Variants in GOLM2 observed in about 807,000 individuals in gnomAD.
GOLM2 encodes the protein protein GOLM2.
GOLM2 carries 26 observed loss-of-function variants against 55.9 expected under a neutral mutation model. The ratio of observed to expected loss-of-function variants is 0.47; its 90% CI spans 0.34 to 0.65. The LOEUF is 0.65. GOLM2 is among the 30% of genes least tolerant of loss of function. The pLI is 0.01. For missense variants in GOLM2, 486 were observed against 531.8 expected (o/e 0.91, Z 0.85); for synonymous variants, 165 against 194.6 (o/e 0.85, Z 1.27).
chr15:44,377,025 G>C (rs1454603951), intron 6 of GOLM2, among the ~76,000 whole-genome samples: 1 of 152,116 alleles, frequency 6.6e-6, no homozygotes, highest in Non-Finnish European at 1.5e-5. Context: ...TTTTTCTTAT[G>C]TCAGTAAAAG....
chr15:44,399,760 C>T (rs147807652), intron 8 of GOLM2, among the ~76,000 whole-genome samples: 4,036 of 152,092 alleles, frequency 0.027, 94 homozygotes, highest in East Asian at 0.1. Context: ...TTTGGGAGGC[C>T]GAGGCGGGCG....
At chr15:44,379,861 A>C in intron 7 of GOLM2, 73 bp downstream of exon 7, 1 of 830,080 alleles carries the variant, frequency 1.2e-6, no homozygotes, top group Non-Finnish European at 2.0e-6. Flanking sequence ...AGTGTATAAA[A>C]TATATCACTT....
At position 44,378,354 on chromosome 15, in the gene GOLM2, C is replaced by CTT. The variant is rs372043503; in HGVS notation, c.803-1318_803-1317dup. ...ATAGGCGTGAGCCACCGCGCCAGGA[C>CTT]TTTTTTTTTTTTTTTTTTTGAGATA... On this transcript the variant is annotated intron_variant, in intron 6 of 9. Coordinates refer to ENST00000299957, the MANE Select transcript of GOLM2 (RefSeq NM_138423.4). Among the ~76,000 whole-genome samples the CTT allele has an allele frequency of 2.2e-4, 27 of 125,506 alleles. 1 individual carries two copies. The highest frequency in any genetic ancestry group is 4.7e-4 in the African/African-American group (16 of 34,016). 82.3% of individuals were successfully genotyped at this position (125,506 alleles called of 152,430 possible).
chr15:44,388,814 A>T (rs974810661), intron 8 of GOLM2, among the ~76,000 whole-genome samples: 13 of 151,920 alleles, frequency 8.6e-5, no homozygotes, highest in Non-Finnish European at 1.8e-4. Flanking sequence ...GAGCCCAATG[A>T]AAATTCATTT....
intron 8 of GOLM2, among the ~76,000 whole-genome samples, chr15:44,401,521 CTA>C (rs748686937): frequency 6.6e-6 from 1 of 151,974 alleles, no homozygotes; most frequent in Admixed American, 6.6e-5. Context: ...CAAAGTACTG[CTA>C]TGACAGGCAT....
At chr15:44,331,362 AT>A (rs1292829806) in intron 3 of GOLM2, among the ~76,000 whole-genome samples, 1 of 152,086 alleles carries the variant, frequency 6.6e-6, no homozygotes, top group Non-Finnish European at 1.5e-5. Flanking sequence ...GAAAGTTAAC[AT>A]TTTTCTATAT....
rs1246623646 is a variant in GOLM2 at position 44,402,944 on chromosome 15, C to T, written c.1130C>T (p.Ala377Val). 5.6e-6 allele frequency: 9 copies of T among 1,613,802 alleles called. No homozygotes were observed. Among genetic ancestry groups the T allele is most frequent in the African/African-American group, 2.7e-5 (2 of 74,844 alleles). Residue 377 changes from alanine (A) to valine (V), a missense_variant, in exon 9 of 10, where the codon GCG becomes GTG. Coordinates refer to ENST00000299957, the MANE Select transcript of GOLM2 (RefSeq NM_138423.4). ...PVDPQHGSKL[A>V]DYNGDDGNVG... Reference sequence around the variant, plus strand: ...GATCCGCAGCATGGCTCTAAACTGGCGGATTATAATGGGGATGATGGTAAC... The same window carrying T: ...GATCCGCAGCATGGCTCTAAACTGGTGGATTATAATGGGGATGATGGTAAC...
At chr15:44,344,559 A>G (rs2079110878) in intron 6 of GOLM2, among the ~76,000 whole-genome samples, 1 of 151,896 alleles carries the variant, frequency 6.6e-6, no homozygotes, top group South Asian at 2.1e-4. Context: ...TTATATCAGT[A>G]GTTTTTAAAC....
At chr15:44,397,484 A>C (rs2079534791) in intron 8 of GOLM2, among the ~76,000 whole-genome samples, 1 of 147,662 alleles carries the variant, frequency 6.8e-6, no homozygotes, top group South Asian at 2.1e-4. Context: ...GTCTCAAAAA[A>C]AAAAAAAAAA....
chr15:44,320,352 A>G lies in GOLM2; in HGVS notation c.328-2613A>G, dbSNP rs543320211. Among the ~76,000 whole-genome samples the G allele has an allele frequency of 1.7e-3, 255 of 152,222 alleles. 1 individual carries two copies. The highest frequency in any genetic ancestry group is 5.9e-3 in the African/African-American group (247 of 41,532). On this transcript the variant is annotated intron_variant, in intron 1 of 9. Transcript: ENST00000299957. ...CTTGCTCTGTCTCCCAGGCTGGAGT[A>G]CACTGGTGCAATCCTAGCTCACTGC... is the stretch of plus-strand genomic sequence containing the variant.
intron 6 of GOLM2, among the ~76,000 whole-genome samples, chr15:44,345,566 C>T (rs967769523): frequency 6.6e-6 from 1 of 151,982 alleles, no homozygotes; most frequent in Non-Finnish European, 1.5e-5. Context: ...AGCCTTTCTT[C>T]TTGATATTTA....
rs150548723 is a variant in GOLM2 at position 44,321,223 on chromosome 15, G to A, written c.328-1742G>A. Among the ~76,000 whole-genome samples, 787 of 152,212 alleles carry A rather than the reference G, an allele frequency of 5.2e-3. 1 individual carries two copies. The highest frequency in any genetic ancestry group is 0.014 in the Middle Eastern group (4 of 294). The stretch of plus-strand genomic sequence containing the variant: ...ATTGTGCCTCACTCCTGTAATCCCA[G>A]CACTTTGGGAGACCAAGGCAAGAGG... On this transcript the variant is annotated intron_variant, in intron 1 of 9. Transcript: ENST00000299957.
intron 6 of GOLM2, among the ~76,000 whole-genome samples, chr15:44,360,076 C>G (rs902086738): frequency 5.3e-5 from 8 of 152,132 alleles, no homozygotes; most frequent in African/African-American, 1.9e-4. Flanking sequence ...AAGGAACAAC[C>G]ACTACCAGCC....
intron 6 of GOLM2, among the ~76,000 whole-genome samples, chr15:44,378,059 A>AT (rs2079376396): frequency 6.7e-6 from 1 of 149,122 alleles, no homozygotes; most frequent in African/African-American, 2.4e-5. Flanking sequence ...TTATTTATTT[A>AT]TTTTTTTGAG....
chr15:44,396,904 T>C (rs373103743), intron 8 of GOLM2, among the ~76,000 whole-genome samples: 5 of 152,304 alleles, frequency 3.3e-5, no homozygotes, highest in African/African-American at 1.2e-4. Context: ...GGGTGTGTTG[T>C]TTCTTTGTGT....
At chr15:44,390,792 C>T (rs1026531202) in intron 8 of GOLM2, among the ~76,000 whole-genome samples, 15 of 152,120 alleles carry the variant, frequency 9.9e-5, no homozygotes, top group African/African-American at 3.6e-4. Context: ...TGGTCTCGTA[C>T]TCCTAACCTC....
At chr15:44,367,471 T>C (rs1030461678) in intron 6 of GOLM2, among the ~76,000 whole-genome samples, 1 of 152,144 alleles carries the variant, frequency 6.6e-6, no homozygotes, top group African/African-American at 2.4e-5. Context: ...TCTGGGCTGA[T>C]ACGTTGAGGG....
chr15:44,326,393 T>C (rs1374831366), intron 2 of GOLM2, among the ~76,000 whole-genome samples: 7 of 152,104 alleles, frequency 4.6e-5, no homozygotes, highest in Non-Finnish European at 1.0e-4. Context: ...TTATTATGCA[T>C]ATTGTTAAGC....
At chr15:44,290,886 C>CCG (rs951215824) in intron 1 of GOLM2, among the ~76,000 whole-genome samples, 1 of 151,902 alleles carries the variant, frequency 6.6e-6, no homozygotes, top group Admixed American at 6.6e-5. Flanking sequence ...ACTGCAACCT[C>CCG]CGCCCCCCCG....
Sources: allele counts gnomAD v4.1 joint callset (sites outside exome capture counted in the v4.1 genomes callset), GRCh38; gene constraint gnomAD v4.1.1; transcripts MANE v1.5; gene names NCBI Gene and HGNC (gene_info 2026-07-23, HGNC 2026-07-21).